Variants in GPAM observed in about 807,000 individuals in gnomAD.
GPAM encodes the protein glycerol-3-phosphate acyltransferase, mitochondrial, also known as glycerol-3-phosphate acyltransferase 1, mitochondrial.
In GPAM, 56 loss-of-function variants were observed where a neutral mutation model predicts 105.0. The observed-to-expected ratio is 0.53, with a 90% CI of 0.43 to 0.67. The LOEUF (loss-of-function observed/expected upper bound fraction) is 0.67. Ranked by LOEUF, GPAM falls within the 30% of genes least tolerant of loss-of-function variation. The pLI is 0.00. For missense variants in GPAM, 855 were observed against 989.8 expected (o/e 0.86, Z 1.83); for synonymous variants, 368 against 354.4 (o/e 1.04, Z -0.43).
At chr10:112,179,688 C>A (rs1589596881) in intron 4 of GPAM, among the ~76,000 whole-genome samples, 1 of 152,286 alleles carries the variant, frequency 6.6e-6, no homozygotes, top group Middle Eastern at 3.4e-3. Flanking sequence ...CCTAGCCACA[C>A]AAGTTACAAG....
the GPAM span, among the ~76,000 whole-genome samples, chr10:112,222,527 C>T: frequency 2.6e-5 from 4 of 152,094 alleles, no homozygotes; most frequent in African/African-American, 7.2e-5. Context: ...GTGAAGGTGA[C>T]CTGTGAGCCT....
intron 14 of GPAM, 143 bp from the exon 15 acceptor site, chr10:112,161,880 AG>A: frequency 1.4e-6 from 1 of 716,372 alleles, no homozygotes; most frequent in South Asian, 1.5e-5. Context: ...ATTTACCAAA[AG>A]GAAGTTATAA....
intron 5 of GPAM, among the ~76,000 whole-genome samples, chr10:112,177,232 TTA>T (rs1279473855): frequency 1.7e-4 from 26 of 152,256 alleles, no homozygotes; most frequent in Admixed American, 1.6e-3. Context: ...CATCATCAAA[TTA>T]TGAGAAGTAA....
At chr10:112,164,436 C>A (rs754684906) in intron 13 of GPAM, 89 bp downstream of exon 13, 3 of 763,182 alleles carry the variant, frequency 3.9e-6, no homozygotes, top group Non-Finnish European at 7.1e-6. Flanking sequence ...TAAGAATGTG[C>A]GCATTTTTAA....
At position 112,163,797 on chromosome 10, in the gene GPAM, C is replaced by T; in HGVS notation, c.1327G>A (p.Glu443Lys). 1.3e-6 allele frequency: 2 copies of T among 1,574,302 alleles called. No individual in the cohort carries two copies. Among genetic ancestry groups the T allele is most frequent in the Non-Finnish European group, 1.7e-6 (2 of 1,143,666 alleles). Residue 443 changes from glutamate to lysine, a missense_variant, in exon 14 of 22, where the codon GAA (glutamate) becomes AAA (lysine). Transcript: ENST00000348367. ...TCATTAATGGACGTGTCTCTACCTT[C>T]ATCAGCAGCATCACTGGGTCTAAAA... ...LPSRPSDAAD[E>K]GRDTSINESR... is the part of the protein sequence containing the mutation.
chr10:112,222,128 G>T, the GPAM span, among the ~76,000 whole-genome samples: 1 of 152,174 alleles, frequency 6.6e-6, no homozygotes, highest in Admixed American at 6.5e-5. Context: ...GAAGTTGGGT[G>T]ATGAGTTATT....
intron 19 of GPAM, chr10:112,156,800 G>C: frequency 5.3e-6 from 1 of 190,114 alleles, no homozygotes. Flanking sequence ...TCTAAATCAG[G>C]GACTTTTTTT....
At chr10:112,175,789 G>T in intron 5 of GPAM, 76 bp from the exon 6 acceptor site, 2 of 914,920 alleles carry the variant, frequency 2.2e-6, no homozygotes, top group South Asian at 1.3e-5. Context: ...CTAATTTTCC[G>T]CCCATAAAAA....
At chr10:112,217,687 T>C (rs2133313562), upstream of GPAM, among the ~76,000 whole-genome samples, 1 of 152,364 alleles carries the variant, frequency 6.6e-6, no homozygotes, top group Middle Eastern at 3.4e-3. Flanking sequence ...CTGTCTCATG[T>C]AACCCTCCCT....
rs534688231 is a variant in GPAM, at chr10:112,168,891, C to T, written c.856G>A (p.Gly286Arg). ...IRRRLDETPD[G>R]RKDVLYRALL... ...GCTCTATAGAGAACATCTTTCCGTC[C>T]ATCTGGTGTTTCATCGAGCCTTCGT... The change falls in exon 10 of 22, where the codon GGA (glycine) becomes AGA (arginine). Residue 286 changes from glycine (G) to arginine (R), a missense_variant. Transcript: ENST00000348367. 3.1e-6 allele frequency: 5 copies of T among 1,611,656 alleles called. No individual in the cohort carries two copies. The East Asian group carries it at 6.7e-5, about 22-fold the overall frequency.
intron 13 of GPAM, among the ~76,000 whole-genome samples, chr10:112,164,188 G>A (rs931388526): frequency 4.6e-5 from 7 of 152,156 alleles, no homozygotes; most frequent in South Asian, 2.1e-4. Flanking sequence ...TTTGAATTCC[G>A]AAAAATTCAA....
upstream of GPAM, among the ~76,000 whole-genome samples, chr10:112,185,487 T>TAA (rs35521996): frequency 0.68 from 95,252 of 139,890 alleles, 32,557 homozygotes; most frequent in South Asian, 0.76. Flanking sequence ...GAAAAATCTT[T>TAA]AAAAAAAAAA....
chr10:112,207,449 G>C (rs1589611135), intron 1 of GPAM, among the ~76,000 whole-genome samples: 1 of 152,242 alleles, frequency 6.6e-6, no homozygotes, highest in Non-Finnish European at 1.5e-5. Flanking sequence ...AGCCAGCACA[G>C]GTTCCGAAGG....
Position 112,182,066 on chromosome 10 carries a change from A to G in GPAM, c.-29-253T>C, listed in dbSNP as rs541419993. 3.9e-5 allele frequency among the ~76,000 whole-genome samples: 6 copies of G among 152,316 alleles called. No individual in the cohort carries two copies. In the South Asian group the frequency reaches 1.2e-3, roughly 32 times the overall value. On this transcript the variant is annotated intron_variant, in intron 2 of 21. Transcript: ENST00000348367. ...CTTCCTGAATATATAAGGATACAAC[A>G]TTGTATCCTTTGTATCCACACAAAA...
chr10:112,195,955 C>A (rs916501828), intron 1 of GPAM, among the ~76,000 whole-genome samples: 14 of 152,202 alleles, frequency 9.2e-5, no homozygotes, highest in Admixed American at 1.3e-4. Context: ...CCCATCTTCT[C>A]TCCCTCACCC....
intron 1 of GPAM, among the ~76,000 whole-genome samples, chr10:112,207,083 C>T (rs910648906): frequency 4.6e-5 from 7 of 152,274 alleles, no homozygotes; most frequent in African/African-American, 1.7e-4. Context: ...TCATCTGATC[C>T]AGTAGTTCTC....
intron 1 of GPAM, among the ~76,000 whole-genome samples, chr10:112,191,829 G>A (rs1252613312): frequency 6.6e-6 from 1 of 152,216 alleles, no homozygotes; most frequent in Non-Finnish European, 1.5e-5. Flanking sequence ...GGACTCAGGG[G>A]TCTGATGGTG....
chr10:112,225,169 G>A, the GPAM span, among the ~76,000 whole-genome samples: 1 of 152,154 alleles, frequency 6.6e-6, no homozygotes, highest in African/African-American at 2.4e-5. Context: ...CTAGAATGCA[G>A]GATGTGCTGC....
chr10:112,199,822 T>C (rs1847771208), intron 1 of GPAM, among the ~76,000 whole-genome samples: 1 of 152,078 alleles, frequency 6.6e-6, no homozygotes, highest in Admixed American at 6.6e-5. Flanking sequence ...ATGAGACTTA[T>C]TCCCTACCAT....
Sources: allele counts gnomAD v4.1 joint callset (sites outside exome capture counted in the v4.1 genomes callset), GRCh38; gene constraint gnomAD v4.1.1; transcripts MANE v1.5; gene names NCBI Gene and HGNC (gene_info 2026-07-23, HGNC 2026-07-21).